The following CUBN variants were observed in gnomAD, a reference collection of about 807,000 sequenced individuals.
CUBN encodes the protein cubilin.
In CUBN, 282 loss-of-function variants were observed where a neutral mutation model predicts 405.3. That is an observed-to-expected ratio of 0.70 (90% CI 0.63 to 0.77). The LOEUF (loss-of-function observed/expected upper bound fraction) is 0.77, where lower values mean the gene tolerates loss of function less well. Ranked by LOEUF, CUBN falls within the 30% of genes least tolerant of loss-of-function variation. CUBN has a pLI of 0.00. For synonymous variants in CUBN, 1,684 were observed against 1,617.0 expected, an observed-to-expected ratio of 1.04 and a Z score of -0.99; for missense variants, 4,514 against 4,475.2, an observed-to-expected ratio of 1.01 and a Z score of -0.25.
intron 7 of CUBN, among the ~76,000 whole-genome samples, chr10:17,114,993 C>T (rs1424432484): frequency 1.3e-5 from 2 of 152,168 alleles, no homozygotes; most frequent in Non-Finnish European, 2.9e-5. Context: ...CCTGTAATCG[C>T]AGCGCTTTGC....
rs538655149 is a variant in CUBN, at chr10:17,086,617, T to C, written c.1948-858A>G. Among the ~76,000 whole-genome samples, 7 of 152,224 alleles carry C rather than the reference T, an allele frequency of 4.6e-5. No individual in the cohort carries two copies. The South Asian group carries it at 1.4e-3, about 31-fold the overall frequency. ...CTAATTGTTGGTTTTTAATCTATGA[T>C]GTAATCATGTCAATCTCTCTATAAT... On this transcript the variant is annotated intron_variant, in intron 15 of 66. Coordinates refer to ENST00000377833, the MANE Select transcript of CUBN (RefSeq NM_001081.4).
At chr10:16,837,058 C>G (rs948484621) in intron 62 of CUBN, among the ~76,000 whole-genome samples, 2 of 152,026 alleles carry the variant, frequency 1.3e-5, no homozygotes, top group Non-Finnish European at 2.9e-5. Context: ...ACACCCCACC[C>G]GTCTCTGCTT....
intron 19 of CUBN, among the ~76,000 whole-genome samples, chr10:17,071,211 G>A (rs998118298): frequency 4.0e-5 from 6 of 149,976 alleles, no homozygotes; most frequent in African/African-American, 1.3e-4. Flanking sequence ...TAGAATTCTC[G>A]GGACAAATCT....
chr10:16,966,238 A>C (rs997878250), intron 31 of CUBN, among the ~76,000 whole-genome samples: 3 of 152,192 alleles, frequency 2.0e-5, no homozygotes, highest in Non-Finnish European at 4.4e-5. Flanking sequence ...GTGAACGTGC[A>C]TGGGATTCCC....
chr10:16,899,062 C>T lies in CUBN; in HGVS notation c.8532G>A (p.Glu2844=), dbSNP rs752416511. ...TTAGGAAGTTGTTGTCAAAGCTGATCTCCAAGTGTTTACTTTTGTGAGTAA... is the reference window on the plus strand; with the variant it reads ...TTAGGAAGTTGTTGTCAAAGCTGATTTCCAAGTGTTTACTTTTGTGAGTAA... The part of the protein sequence containing the change: ...TAITHKSKHL[E]ISFDNNFLIP... The change falls in exon 54 of 67, where the codon GAG becomes GAA. Residue 2844 remains glutamate, a synonymous_variant. Transcript: ENST00000377833. The T allele has an allele frequency of 1.9e-6, 3 of 1,613,734 alleles. No homozygotes were observed. Among genetic ancestry groups the T allele is most frequent in the Middle Eastern group, 1.6e-4 (1 of 6,062 alleles).
chr10:17,127,534 C>T (rs890980622), intron 3 of CUBN, among the ~76,000 whole-genome samples: 3 of 151,262 alleles, frequency 2.0e-5, no homozygotes, highest in African/African-American at 7.3e-5. Flanking sequence ...TGTGGCCTCC[C>T]AAACTGCTGG....
At chr10:16,968,530 C>T (rs1294053111) in intron 31 of CUBN, among the ~76,000 whole-genome samples, 2 of 152,174 alleles carry the variant, frequency 1.3e-5, no homozygotes, top group African/African-American at 4.8e-5. Context: ...CTGATTCTCA[C>T]AAAGCAGACA....
At chr10:17,032,539 A>G (rs1460267310) in intron 27 of CUBN, among the ~76,000 whole-genome samples, 7 of 152,202 alleles carry the variant, frequency 4.6e-5, no homozygotes, top group African/African-American at 7.2e-5. Context: ...CTGGACTACT[A>G]TGAGGACAGA....
intron 31 of CUBN, 111 bp from the exon 32 acceptor site, chr10:16,954,659 G>C (rs1254208661): frequency 1.7e-6 from 2 of 1,187,180 alleles, no homozygotes; most frequent in African/African-American, 1.5e-5. Flanking sequence ...ACGTTTGCTG[G>C]ATCTAGGGAA....
Position 16,954,732 on chromosome 10 carries a change from C to T in CUBN, c.4696-184G>A, listed in dbSNP as rs564517027. Among the ~76,000 whole-genome samples, 10 of 152,186 alleles carry T rather than the reference C, an allele frequency of 6.6e-5. No homozygotes were observed. In the South Asian group the frequency reaches 1.9e-3, roughly 28 times the overall value. On this transcript the variant is annotated intron_variant, in intron 31 of 66. Transcript: ENST00000377833. ...CTTTGGTCATTTCTAGGGATGCTGA[C>T]GTGAATTTCAGCAGGACTTCCTCTG...
Position 16,978,965 on chromosome 10 carries a change from A to C in CUBN, c.4695+3519T>G, listed in dbSNP as rs113722112. 2.9e-3 allele frequency among the ~76,000 whole-genome samples: 439 copies of C among 152,304 alleles called. 3 individuals are homozygous for C. The highest frequency in any genetic ancestry group is 0.01 in the African/African-American group (421 of 41,546). On this transcript the variant is annotated intron_variant, in intron 31 of 66. Coordinates refer to ENST00000377833, the MANE Select transcript of CUBN (RefSeq NM_001081.4). ...CATCGTCGCAGCCCAAAATCTTCTT[A>C]AGCTGAGACAGAGGCAACTTCAGCA...
intron 14 of CUBN, 45 bp downstream of exon 14, chr10:17,099,960 T>C: frequency 7.4e-7 from 1 of 1,357,686 alleles, no homozygotes; most frequent in Non-Finnish European, 1.1e-6. Context: ...GAACACTTAA[T>C]AACCTCAAAA....
At chr10:16,901,250 G>C in intron 52 of CUBN, 88 bp downstream of exon 52, 1 of 1,567,786 alleles carries the variant, frequency 6.4e-7, no homozygotes, top group Non-Finnish European at 8.8e-7. Flanking sequence ...CTAATCACTT[G>C]CTTAATAAAA....
chr10:16,971,226 G>T (rs74116786), intron 31 of CUBN, among the ~76,000 whole-genome samples: 4,425 of 152,280 alleles, frequency 0.029, 235 homozygotes, highest in African/African-American at 0.1. Context: ...CCAAAATGAA[G>T]GATTGGCTTT....
At chr10:17,087,460 A>ATTTTTATTTTTTTT (rs1564510318) in intron 15 of CUBN, among the ~76,000 whole-genome samples, 2 of 99,098 alleles carry the variant, frequency 2.0e-5, no homozygotes, top group Non-Finnish European at 3.9e-5. Flanking sequence ...AATCACTATT[A>ATTTTTATTTTTTTT]TTTTTCTTTT....
chr10:16,945,584 A>G (rs983857294), intron 36 of CUBN, among the ~76,000 whole-genome samples: 2 of 152,070 alleles, frequency 1.3e-5, no homozygotes, highest in Admixed American at 1.3e-4. Context: ...CTTGGCCAAC[A>G]TGGTGAAACT....
rs1344524918 is a variant in CUBN, at chr10:16,923,032, C to T, written c.6646+2209G>A. Among the ~76,000 whole-genome samples, 5 of 151,946 alleles carry T rather than the reference C, an allele frequency of 3.3e-5. No individual in the cohort carries two copies. The South Asian group carries it at 6.2e-4, about 19-fold the overall frequency. Reference sequence around the variant, plus strand: ...GTTCAGCTACTTTGAAAACTAAGGTCTTTCTATGTTGCCCAGGTTGGTCTC... The same window carrying T: ...GTTCAGCTACTTTGAAAACTAAGGTTTTTCTATGTTGCCCAGGTTGGTCTC... On this transcript the variant is annotated intron_variant, in intron 43 of 66. Transcript: ENST00000377833.
At chr10:16,928,864 G>T (rs911840146) in intron 40 of CUBN, among the ~76,000 whole-genome samples, 2 of 151,936 alleles carry the variant, frequency 1.3e-5, no homozygotes, top group African/African-American at 4.8e-5. Flanking sequence ...AAAACTGGCT[G>T]CCAGTTCTCC....
chr10:16,920,174 G>T, intron 43 of CUBN, 37 bp from the exon 44 acceptor site: 1 of 1,605,360 alleles, frequency 6.2e-7, no homozygotes, highest in Middle Eastern at 1.7e-4. Context: ...CTATGATCTG[G>T]TGAAGGGGAT....
Sources: gnomAD v4.1 joint callset for allele counts (sites outside exome capture counted in the v4.1 genomes callset) on GRCh38, gnomAD v4.1.1 for gene constraint, MANE v1.5 for transcripts, NCBI Gene and HGNC (gene_info 2026-07-23, HGNC 2026-07-21) for gene names.